DNAI7: variants seen among roughly 807,000 people sequenced by gnomAD.
DNAI7 encodes dynein axonemal intermediate chain 7, also known as cancer susceptibility 1.
A neutral mutation model predicts 86.6 loss-of-function variants in DNAI7; 78 were observed. The ratio of observed to expected loss-of-function variants is 0.90; its 90% CI spans 0.75 to 1.09. DNAI7 has a LOEUF of 1.09. DNAI7 is among the 50% of genes least tolerant of loss of function. The pLI is 0.00. For synonymous variants in DNAI7, 274 were observed against 273.0 expected (o/e 1.00, Z -0.04); for missense variants, 753 against 810.2 (o/e 0.93, Z 0.86).
Position 25,108,825 on chromosome 12 carries a change from TAA to T in DNAI7, c.1894-4_1894-3del, listed in dbSNP as rs60370851. On this transcript the variant is annotated splice_polypyrimidine_tract_variant and splice_region_variant and intron_variant, in intron 15 of 15. Transcript: ENST00000395987. The stretch of plus-strand genomic sequence containing the variant: ...TGCTTCAGTAAGGTGTTCCCTCACC[TAA>T]AAAAAAAAAAAATTCAAGCAAGTTG... The T allele has an allele frequency of 1.0e-4, 11 of 105,398 alleles. 1 individual carries two copies. Among genetic ancestry groups the T allele is most frequent in the South Asian group, 3.6e-4 (1 of 2,776 alleles). The allele number at this position is 105,398 out of a possible 1,614,324, so 6.5% of individuals were successfully genotyped here.
At chr12:25,116,297 T>A (rs1308946869) in intron 12 of DNAI7, among the ~76,000 whole-genome samples, 1 of 152,156 alleles carries the variant, frequency 6.6e-6, no homozygotes, top group Non-Finnish European at 1.5e-5. Flanking sequence ...GTCGCTACAT[T>A]AACAAATAAT....
At chr12:25,192,770 G>T (rs1950639380) in intron 1 of DNAI7, 1 of 138,626 alleles carries the variant, frequency 7.2e-6, no homozygotes, top group South Asian at 2.3e-4. Flanking sequence ...GGAGGCAGAG[G>T]TTTCAGTAAG....
At position 25,154,326 on chromosome 12, in the gene DNAI7, A is replaced by G; in HGVS notation, c.431T>C (p.Val144Ala). The G allele has an allele frequency of 6.3e-7, 1 of 1,597,854 alleles. No homozygotes were observed. Among genetic ancestry groups the G allele is most frequent in the Non-Finnish European group, 8.5e-7 (1 of 1,176,444 alleles). Residue 144 changes from valine (V) to alanine (A), a missense_variant, in exon 6 of 16, where the codon GTG (valine) becomes GCG (alanine). By Grantham distance (64) the Val-to-Ala change is moderately conservative (BLOSUM62 0). Transcript: ENST00000395987. ...FEEVIEKSKV[V>A]LNLIEKLKFI... Reference sequence around the variant, plus strand: ...AAATGCATAAATACCTACATTTAGCACTACTTTACTCTTCTCAATCACTTC... The same window carrying G: ...AAATGCATAAATACCTACATTTAGCGCTACTTTACTCTTCTCAATCACTTC...
rs763643507 is a variant in DNAI7, at chr12:25,147,139, C to T, written c.586-35G>A. 13 of 1,029,358 alleles carry T rather than the reference C, an allele frequency of 1.3e-5. No individual in the cohort carries two copies. The East Asian group carries it at 3.1e-4, about 25-fold the overall frequency. 63.8% of individuals were successfully genotyped at this position (1,029,358 alleles called of 1,614,324 possible). A position where few individuals can be genotyped will look rare whatever the true frequency, so the allele number is the denominator to read the frequency against. On this transcript the variant is annotated intron_variant, in intron 7 of 15. Transcript: ENST00000395987. ...AAAAAGAAAACATTATAAAGGGCCACAGGCCTCATAAATTATACAAATTAG... is the reference window on the plus strand; with the variant it reads ...AAAAAGAAAACATTATAAAGGGCCATAGGCCTCATAAATTATACAAATTAG...
chr12:25,170,410 G>A (rs966149153), intron 2 of DNAI7, among the ~76,000 whole-genome samples: 1 of 148,796 alleles, frequency 6.7e-6, no homozygotes, highest in African/African-American at 2.5e-5. Flanking sequence ...AAAAAGCCTC[G>A]TCCAACAGGA....
chr12:25,188,802 A>G (rs561889845), intron 2 of DNAI7, among the ~76,000 whole-genome samples: 1 of 152,318 alleles, frequency 6.6e-6, no homozygotes, highest in East Asian at 1.9e-4. Context: ...CATGTATATC[A>G]TGAAGTACCA....
chr12:25,137,296 G>A (rs1353496018), intron 9 of DNAI7, among the ~76,000 whole-genome samples: 1 of 152,152 alleles, frequency 6.6e-6, no homozygotes, highest in African/African-American at 2.4e-5. Context: ...CTTCATAAAT[G>A]AAGGAAAGAT....
intron 12 of DNAI7, among the ~76,000 whole-genome samples, chr12:25,116,320 G>A (rs1305484348): frequency 6.6e-6 from 1 of 151,682 alleles, no homozygotes; most frequent in East Asian, 1.9e-4. Context: ...TAATTTATAA[G>A]GTAAAAAGTT....
At chr12:25,141,702 T>A (rs994001947) in intron 9 of DNAI7, among the ~76,000 whole-genome samples, 2 of 152,118 alleles carry the variant, frequency 1.3e-5, no homozygotes, top group African/African-American at 4.8e-5. Context: ...TGGTGGCACG[T>A]GCCGGCAATC....
chr12:25,145,861 A>C (rs1944762983), intron 8 of DNAI7, among the ~76,000 whole-genome samples: 1 of 152,214 alleles, frequency 6.6e-6, no homozygotes, highest in Non-Finnish European at 1.5e-5. Context: ...ATTCCTCAGA[A>C]AGATGTTTCT....
At position 25,130,864 on chromosome 12, in the gene DNAI7, A is replaced by T. The variant is rs549108116; in HGVS notation, c.1003-7578T>A. Among the ~76,000 whole-genome samples the T allele has an allele frequency of 2.6e-5, 4 of 152,236 alleles. No homozygotes were observed. In the South Asian group the frequency reaches 8.3e-4, roughly 32 times the overall value. Reference sequence around the variant, plus strand: ...TAGTATTACACATTTAAATGAACTAAAATGTGGTATTAAGAGCCCTCTAGT... The same window carrying T: ...TAGTATTACACATTTAAATGAACTATAATGTGGTATTAAGAGCCCTCTAGT... On this transcript the variant is annotated intron_variant, in intron 9 of 15. Transcript: ENST00000395987.
chr12:25,120,684 C>T (rs1437955902), intron 11 of DNAI7, among the ~76,000 whole-genome samples: 1 of 152,042 alleles, frequency 6.6e-6, no homozygotes, highest in Non-Finnish European at 1.5e-5. Context: ...AAGACAGCGC[C>T]ACTGCACTCC....
At chr12:25,113,266 T>TTTTTTGTTGTTGCTGTTG (rs1379355901) in intron 13 of DNAI7, among the ~76,000 whole-genome samples, 1 of 136,576 alleles carries the variant, frequency 7.3e-6, no homozygotes, top group African/African-American at 2.9e-5. Flanking sequence ...TCTCACCTAG[T>TTTTTTGTTGTTGCTGTTG]TTGTTGTTGT....
chr12:25,114,572 C>A, intron 13 of DNAI7, 84 bp downstream of exon 13: 1 of 820,398 alleles, frequency 1.2e-6, no homozygotes, highest in South Asian at 1.6e-5. Context: ...TCAGCAGCCA[C>A]TGATTGCTTT....
chr12:25,119,837 A>T (rs545356976), intron 11 of DNAI7, among the ~76,000 whole-genome samples: 4 of 152,358 alleles, frequency 2.6e-5, no homozygotes, highest in Admixed American at 6.5e-5. Context: ...CATTATCTGA[A>T]TGCAGCAGAC....
intron 12 of DNAI7, among the ~76,000 whole-genome samples, chr12:25,117,960 C>T (rs1273020499): frequency 7.8e-5 from 3 of 38,592 alleles, no homozygotes; most frequent in Admixed American, 4.0e-4. Context: ...TTTTTTGAGA[C>T]GGAGGGAGTC....
intron 2 of DNAI7, among the ~76,000 whole-genome samples, chr12:25,176,632 AT>A (rs1452976920): frequency 6.6e-6 from 1 of 152,002 alleles, no homozygotes; most frequent in Admixed American, 6.6e-5. Flanking sequence ...AGAATAGGTT[AT>A]AGTAACATCA....
At position 25,149,610 on chromosome 12, in the gene DNAI7, G is replaced by T; in HGVS notation, c.585+18C>A. 1 of 1,564,454 alleles carries T rather than the reference G, an allele frequency of 6.4e-7. No individual in the cohort carries two copies. Among genetic ancestry groups the T allele is most frequent in the Non-Finnish European group, 8.7e-7 (1 of 1,151,764 alleles). Reference sequence around the variant, plus strand: ...AGCTCTTATAAAACTTAATATATAAGCAAAATATCACACTTACTTTGAGAA... The same window carrying T: ...AGCTCTTATAAAACTTAATATATAATCAAAATATCACACTTACTTTGAGAA... On this transcript the variant is annotated intron_variant, in intron 7 of 15. Transcript: ENST00000395987.
At chr12:25,178,162 A>T (rs1418708190) in intron 2 of DNAI7, among the ~76,000 whole-genome samples, 1 of 152,190 alleles carries the variant, frequency 6.6e-6, no homozygotes, top group Non-Finnish European at 1.5e-5. Flanking sequence ...GCTCTAGAAG[A>T]ATCTGTATTA....
Sources: gnomAD v4.1 joint callset for allele counts (sites outside exome capture counted in the v4.1 genomes callset) on GRCh38, gnomAD v4.1.1 for gene constraint, MANE v1.5 for transcripts, NCBI Gene and HGNC (gene_info 2026-07-23, HGNC 2026-07-21) for gene names.